Variants in MLXIP observed in about 807,000 individuals in gnomAD.
MLXIP encodes MLX interacting protein.
Under a neutral mutation model 87.2 loss-of-function variants are expected in MLXIP, and 30 were observed. The observed-to-expected ratio is 0.34, with a 90% CI of 0.26 to 0.47. MLXIP has a LOEUF of 0.47. Among genes scored for constraint, MLXIP ranks in the 20% least tolerant of loss-of-function variants. The pLI is 1.00. For missense variants in MLXIP, 1,002 were observed against 1,240.1 expected (o/e 0.81, Z 2.88); for synonymous variants, 530 against 514.0 (o/e 1.03, Z -0.42).
chr12:122,141,613 G>A, intron 16 of MLXIP, 78 bp from the exon 17 acceptor site: 1 of 1,569,748 alleles, frequency 6.4e-7, no homozygotes, highest in Non-Finnish European at 8.7e-7. Context: ...TCCCACATGG[G>A]TTGTAGGTAC....
At chr12:122,110,957 G>C (rs545079185) in intron 1 of MLXIP, among the ~76,000 whole-genome samples, 73 of 151,266 alleles carry the variant, frequency 4.8e-4, no homozygotes, top group Non-Finnish European at 7.5e-4. Context: ...GGCGCCTGTA[G>C]TCCCAGCTAC....
At chr12:122,126,552 C>T (rs7485421) in intron 1 of MLXIP, among the ~76,000 whole-genome samples, 76,144 of 151,452 alleles carry the variant, frequency 0.5, 19,588 homozygotes, top group Middle Eastern at 0.64. Flanking sequence ...GCCCTGCAGG[C>T]ACTCAGGCCA....
intron 4 of MLXIP, 147 bp from the exon 5 acceptor site, chr12:122,129,441 G>A (rs1952935614): frequency 4.0e-6 from 4 of 1,003,058 alleles, no homozygotes; most frequent in Non-Finnish European, 6.0e-6. Flanking sequence ...CTGTGCACTG[G>A]GTGGAAGTCT....
At chr12:122,082,784 G>C (rs1031551931) in intron 1 of MLXIP, among the ~76,000 whole-genome samples, 1 of 152,154 alleles carries the variant, frequency 6.6e-6, no homozygotes, top group Non-Finnish European at 1.5e-5. Flanking sequence ...TTGCCCTCTT[G>C]ACACTGTAAG....
At chr12:122,109,442 G>A (rs1016887073) in intron 1 of MLXIP, among the ~76,000 whole-genome samples, 3 of 152,196 alleles carry the variant, frequency 2.0e-5, no homozygotes, top group Non-Finnish European at 2.9e-5. Flanking sequence ...GGCCTTAAGC[G>A]ATCCACACTG....
rs766693194 is a variant in MLXIP at position 122,135,248 on chromosome 12, C to G, written c.1757C>G (p.Ala586Gly). ...APAAFSGQPQ[A>G]VIMTSGPLKR... Reference sequence around the variant, plus strand: ...GCTGCCTTTTCAGGCCAACCACAAGCGGTGATCATGACGTCAGGGCCTCTG... The same window carrying G: ...GCTGCCTTTTCAGGCCAACCACAAGGGGTGATCATGACGTCAGGGCCTCTG... The change falls in exon 10 of 17, where the codon GCG becomes GGG. Residue 586 changes from alanine (A) to glycine (G), a missense_variant. Physicochemically the swap from Ala to Gly is moderately conservative, Grantham distance 60. Around this residue, in one of 3 missense-constraint regions of MLXIP, gnomAD observed 746 missense variants for 897.0 expected, o/e 0.83. Coordinates refer to ENST00000319080, the MANE Select transcript of MLXIP (RefSeq NM_014938.6). This position sits in a 1 kb window ranked among gnomAD's most constrained non-coding sequence, Gnocchi z 5.3. 1 of 1,613,396 alleles carries G rather than the reference C, an allele frequency of 6.2e-7. No individual in the cohort carries two copies. Among genetic ancestry groups the G allele is most frequent in the Non-Finnish European group, 8.5e-7 (1 of 1,179,834 alleles).
At chr12:122,125,322 A>G (rs1243897522) in intron 1 of MLXIP, among the ~76,000 whole-genome samples, 1 of 123,322 alleles carries the variant, frequency 8.1e-6, no homozygotes, top group Admixed American at 8.0e-5. Flanking sequence ...ACAGAGCGAG[A>G]CTCCATCTCA....
chr12:122,103,520 C>G (rs1296326532), intron 1 of MLXIP, among the ~76,000 whole-genome samples: 2 of 118,342 alleles, frequency 1.7e-5, no homozygotes, highest in African/African-American at 7.0e-5. Flanking sequence ...TTGCACCTGG[C>G]CTTTTTTTTT....
chr12:122,131,602 A>AC (rs1256144933), intron 7 of MLXIP, among the ~76,000 whole-genome samples: 1 of 151,164 alleles, frequency 6.6e-6, no homozygotes, highest in Non-Finnish European at 1.5e-5. Flanking sequence ...GGCACACACC[A>AC]CCACACCCAG....
chr12:122,124,057 C>G (rs1952827904), intron 1 of MLXIP, among the ~76,000 whole-genome samples: 1 of 152,168 alleles, frequency 6.6e-6, no homozygotes, highest in Non-Finnish European at 1.5e-5. Flanking sequence ...CCACCTTGTG[C>G]CCACAGCCAT....
At chr12:122,090,845 A>G (rs1952235623) in intron 1 of MLXIP, among the ~76,000 whole-genome samples, 2 of 152,196 alleles carry the variant, frequency 1.3e-5, no homozygotes, top group Non-Finnish European at 2.9e-5. Context: ...ACGCTGCACT[A>G]GGTGAAAGAA....
At chr12:122,099,701 A>G (rs574130119) in intron 1 of MLXIP, among the ~76,000 whole-genome samples, 60 of 152,322 alleles carry the variant, frequency 3.9e-4, no homozygotes, top group African/African-American at 1.3e-3. Flanking sequence ...TCTGATGCCA[A>G]CTTAGGTTGC....
intron 1 of MLXIP, among the ~76,000 whole-genome samples, chr12:122,110,850 G>A (rs1370799755): frequency 1.3e-5 from 2 of 151,964 alleles, no homozygotes; most frequent in Non-Finnish European, 2.9e-5. Context: ...GGCCAAGGTG[G>A]GCGGATCACG....
chr12:122,091,415 C>T (rs778041213), intron 1 of MLXIP, among the ~76,000 whole-genome samples: 6 of 152,104 alleles, frequency 3.9e-5, no homozygotes, highest in Non-Finnish European at 2.9e-5. Context: ...AAGACCTTTA[C>T]GGCCGGGTGC....
At position 122,125,645 on chromosome 12, in the gene MLXIP, G is replaced by A. The variant is rs1176725927; in HGVS notation, c.414-1611G>A. On this transcript the variant is annotated intron_variant, in intron 1 of 16. Coordinates refer to ENST00000319080, the MANE Select transcript of MLXIP (RefSeq NM_014938.6). ...GGTGAGGCCAGGCCATCAGCATGGAGGTGGGTTAGATGAGCCTTTGAACTT... is the reference window on the plus strand; with the variant it reads ...GGTGAGGCCAGGCCATCAGCATGGAAGTGGGTTAGATGAGCCTTTGAACTT... Among the ~76,000 whole-genome samples, 3 of 152,348 alleles carry A rather than the reference G, an allele frequency of 2.0e-5. No homozygotes were observed. In the East Asian group the frequency reaches 5.8e-4, roughly 29 times the overall value.
At chr12:122,140,012 A>G (rs1953169196) in intron 15 of MLXIP, among the ~76,000 whole-genome samples, 1 of 152,142 alleles carries the variant, frequency 6.6e-6, no homozygotes, top group Non-Finnish European at 1.5e-5. Flanking sequence ...GACAGGCACC[A>G]GCTCTGATTC....
chr12:122,115,036 C>T (rs28515842), intron 1 of MLXIP, among the ~76,000 whole-genome samples: 1,770 of 151,818 alleles, frequency 0.012, 35 homozygotes, highest in Admixed American at 0.036. Context: ...CGTGAGCCAC[C>T]GCACCCAGCC....
chr12:122,089,913 G>T (rs1195765254), intron 1 of MLXIP, among the ~76,000 whole-genome samples: 1 of 152,156 alleles, frequency 6.6e-6, no homozygotes, highest in African/African-American at 2.4e-5. Context: ...GAAGGAAATG[G>T]CTGTGAGGTA....
At position 122,078,927 on chromosome 12, in the gene MLXIP, A is replaced by G; in HGVS notation, c.74A>G (p.Gln25Arg). ...SRGRQVLLKP[Q>R]VSEDDDDSDT... Reference sequence around the variant, plus strand: ...GGCCGCCAGGTGCTGCTCAAGCCCCAGGTGTCCGAGGACGACGACGACTCG... The same window carrying G: ...GGCCGCCAGGTGCTGCTCAAGCCCCGGGTGTCCGAGGACGACGACGACTCG... Residue 25 changes from glutamine to arginine, a missense_variant, in exon 1 of 17, where the codon CAG becomes CGG. This residue lies in a region of MLXIP where 129 missense variants were observed against 104.2 expected (regional missense o/e 1.24). Coordinates refer to ENST00000319080, the MANE Select transcript of MLXIP (RefSeq NM_014938.6). 8.9e-7 allele frequency: 1 copy of G among 1,126,948 alleles called. No individual in the cohort carries two copies. Among genetic ancestry groups the G allele is most frequent in the Non-Finnish European group, 1.1e-6 (1 of 916,730 alleles). 69.8% of individuals were successfully genotyped at this position (1,126,948 alleles called of 1,614,324 possible). A position where few individuals can be genotyped will look rare whatever the true frequency, so the allele number is the denominator to read the frequency against.
Sources: allele counts gnomAD v4.1 joint callset (sites outside exome capture counted in the v4.1 genomes callset), GRCh38; gene constraint gnomAD v4.1.1; regional missense constraint gnomAD v4.1.1; non-coding constraint Gnocchi (gnomAD v3.1); transcripts MANE v1.5; gene names NCBI Gene and HGNC (gene_info 2026-07-23, HGNC 2026-07-21).